The following GRID1 variants were observed in gnomAD, a reference collection of about 807,000 sequenced individuals.
GRID1 encodes the protein glutamate receptor ionotropic, delta-1.
Under a neutral mutation model 98.0 loss-of-function variants are expected in GRID1, and 28 were observed. That is an observed-to-expected ratio of 0.29 (90% CI 0.21 to 0.39). The LOEUF is 0.39. Among genes scored for constraint, GRID1 ranks in the 10% least tolerant of loss-of-function variants. GRID1 has a pLI of 1.00. For synonymous variants in GRID1, 553 were observed against 538.5 expected, an observed-to-expected ratio of 1.03 and a Z score of -0.37; for missense variants, 1,111 against 1,340.5, an observed-to-expected ratio of 0.83 and a Z score of 2.67.
chr10:86,154,975 G>A (rs1845224208), intron 3 of GRID1, among the ~76,000 whole-genome samples: 1 of 152,210 alleles, frequency 6.6e-6, no homozygotes, highest in African/African-American at 2.4e-5. Flanking sequence ...TAGCAAAATT[G>A]AGGCTTGGAG....
intron 2 of GRID1, among the ~76,000 whole-genome samples, chr10:86,281,547 G>T (rs954721996): frequency 6.6e-6 from 1 of 152,196 alleles, no homozygotes; most frequent in African/African-American, 2.4e-5. Context: ...AAATCAGCAT[G>T]GGGAACTATG....
intron 13 of GRID1, among the ~76,000 whole-genome samples, chr10:85,640,215 T>C (rs1455737939): frequency 6.6e-6 from 1 of 152,188 alleles, no homozygotes; most frequent in East Asian, 1.9e-4. Flanking sequence ...AGTTGCAAAA[T>C]AGATATAGGG....
At chr10:85,949,319 T>A (rs1842089571) in intron 4 of GRID1, among the ~76,000 whole-genome samples, 1 of 152,208 alleles carries the variant, frequency 6.6e-6, no homozygotes, top group African/African-American at 2.4e-5. Flanking sequence ...TTTTTGGGCA[T>A]CCTTCCAGAC....
intron 5 of GRID1, among the ~76,000 whole-genome samples, chr10:85,901,231 A>T (rs1285181430): frequency 1.8e-5 from 2 of 111,730 alleles, no homozygotes; most frequent in East Asian, 2.0e-4. Flanking sequence ...ATTTTATTTT[A>T]TTTATTTATT....
chr10:86,165,185 G>A (rs1369700247), intron 3 of GRID1, among the ~76,000 whole-genome samples: 1 of 152,222 alleles, frequency 6.6e-6, no homozygotes, highest in African/African-American at 2.4e-5. Context: ...GATACTCGCA[G>A]TGCACATTTC....
rs148325561 is a variant in GRID1 at position 85,833,859 on chromosome 10, T to A, written c.1233+20637A>T. On this transcript the variant is annotated intron_variant, in intron 8 of 15. Transcript: ENST00000327946. ...CGAAACACTCACTGGATGAAATCAA[T>A]CATAGTGTTTAGATAATAGAGGATA... 1.4e-4 allele frequency among the ~76,000 whole-genome samples: 22 copies of A among 152,248 alleles called. No individual in the cohort carries two copies. In the East Asian group the frequency reaches 4.2e-3, roughly 29 times the overall value.
chr10:85,911,164 T>C (rs181069194), intron 5 of GRID1, among the ~76,000 whole-genome samples: 16 of 152,330 alleles, frequency 1.1e-4, no homozygotes, highest in Admixed American at 1.0e-3. Context: ...TCAGCATTCA[T>C]ATCACAGTCT....
chr10:86,241,595 CAG>C (rs1846636785), intron 2 of GRID1, among the ~76,000 whole-genome samples: 1 of 152,258 alleles, frequency 6.6e-6, no homozygotes, highest in Non-Finnish European at 1.5e-5. Flanking sequence ...TAATCCTAGA[CAG>C]AGTTTGCATA....
At chr10:85,869,770 A>G (rs1310955520) in intron 5 of GRID1, among the ~76,000 whole-genome samples, 1 of 152,182 alleles carries the variant, frequency 6.6e-6, no homozygotes, top group East Asian at 1.9e-4. Flanking sequence ...ATCCTGTCCC[A>G]TAAATCTCAT....
rs1343331349 is a variant in GRID1 at position 85,878,233 on chromosome 10, A to C, written c.781-9053T>G. The stretch of plus-strand genomic sequence containing the variant: ...CCAGGAGAACTTCCCCAATATAGCA[A>C]GGCAGGCCAACATTCAGATTCAGGA... On this transcript the variant is annotated intron_variant, in intron 5 of 15. Transcript: ENST00000327946. Among the ~76,000 whole-genome samples the C allele has an allele frequency of 1.1e-4, 17 of 152,300 alleles. No individual in the cohort carries two copies. The South Asian group carries it at 3.5e-3, about 32-fold the overall frequency.
chr10:86,202,332 G>A (rs1411751637), intron 3 of GRID1, among the ~76,000 whole-genome samples: 2 of 152,230 alleles, frequency 1.3e-5, no homozygotes, highest in African/African-American at 4.8e-5. Context: ...GAATGAAGGA[G>A]TCAATGATAT....
chr10:85,642,073 C>T (rs973436981), intron 13 of GRID1, among the ~76,000 whole-genome samples: 6 of 152,172 alleles, frequency 3.9e-5, no homozygotes, highest in Admixed American at 6.5e-5. Flanking sequence ...TGCCCCTGTC[C>T]AGACCAGGAG....
At chr10:85,808,009 C>A (rs193218363) in intron 8 of GRID1, among the ~76,000 whole-genome samples, 1 of 152,102 alleles carries the variant, frequency 6.6e-6, no homozygotes, top group African/African-American at 2.4e-5. Flanking sequence ...AAGTTCAAAT[C>A]TATTTAAACT....
chr10:85,921,391 C>G (rs1841701136), intron 4 of GRID1, among the ~76,000 whole-genome samples: 1 of 152,218 alleles, frequency 6.6e-6, no homozygotes, highest in South Asian at 2.1e-4. Context: ...TCGAGAGCAA[C>G]AGCCCCAATC....
chr10:85,915,593 T>C (rs1161267328), intron 5 of GRID1, among the ~76,000 whole-genome samples: 1 of 151,232 alleles, frequency 6.6e-6, no homozygotes, highest in Non-Finnish European at 1.5e-5. Context: ...TCCACACACA[T>C]ATACACACAC....
chr10:85,832,054 A>AT (rs35932383), intron 8 of GRID1, among the ~76,000 whole-genome samples: 7 of 151,820 alleles, frequency 4.6e-5, no homozygotes, highest in Admixed American at 2.0e-4. Context: ...TAAGAAAACA[A>AT]TTTTTTTTGT....
chr10:85,774,766 C>G (rs1195627854), intron 8 of GRID1, among the ~76,000 whole-genome samples: 1 of 149,760 alleles, frequency 6.7e-6, no homozygotes, highest in Non-Finnish European at 1.5e-5. Context: ...CAAATCAAAA[C>G]CACAATGAGA....
intron 2 of GRID1, among the ~76,000 whole-genome samples, chr10:86,343,389 A>G (rs772620042): frequency 7.2e-5 from 11 of 152,274 alleles, no homozygotes; most frequent in Non-Finnish European, 1.5e-4. Flanking sequence ...AAATCCAATT[A>G]TAAGAAGACA....
At chr10:85,883,868 A>G (rs1841074173) in intron 5 of GRID1, among the ~76,000 whole-genome samples, 1 of 152,082 alleles carries the variant, frequency 6.6e-6, no homozygotes, top group Admixed American at 6.6e-5. Context: ...AAGACTGAAC[A>G]TTTTCCTTGC....
Sources: allele counts gnomAD v4.1 joint callset (sites outside exome capture counted in the v4.1 genomes callset), GRCh38; gene constraint gnomAD v4.1.1; transcripts MANE v1.5; gene names NCBI Gene and HGNC (gene_info 2026-07-23, HGNC 2026-07-21).